Variants in DISC1 observed in about 807,000 individuals in gnomAD.
DISC1 encodes disrupted in schizophrenia 1 protein.
DISC1 carries 57 observed loss-of-function variants against 84.5 expected under a neutral mutation model. The observed-to-expected ratio is 0.67, with a 90% CI of 0.55 to 0.84. The LOEUF is 0.84. DISC1 is among the 40% of genes least tolerant of loss of function. The pLI, the probability that DISC1 is intolerant of heterozygous loss-of-function variation, is 0.00. For synonymous variants in DISC1, 411 were observed against 415.2 expected (o/e 0.99, Z 0.12); for missense variants, 1,000 against 1,057.8 (o/e 0.95, Z 0.76).
At chr1:231,652,593 C>T (rs889667341) in intron 1 of DISC1, among the ~76,000 whole-genome samples, 1 of 152,114 alleles carries the variant, frequency 6.6e-6, no homozygotes, top group African/African-American at 2.4e-5. Context: ...ATGAAATGAT[C>T]ACTGAAGTCA....
At chr1:231,996,706 A>G (rs891842160) in intron 10 of DISC1, among the ~76,000 whole-genome samples, 1 of 152,122 alleles carries the variant, frequency 6.6e-6, no homozygotes, top group African/African-American at 2.4e-5. Flanking sequence ...AAACACTAAC[A>G]TGCCTGGGTC....
At chr1:231,831,615 G>A (rs1200712082) in intron 9 of DISC1, among the ~76,000 whole-genome samples, 2 of 152,200 alleles carry the variant, frequency 1.3e-5, no homozygotes, top group Non-Finnish European at 2.9e-5. Flanking sequence ...GGCCTTTGCA[G>A]TGAATGACTC....
intron 11 of DISC1, among the ~76,000 whole-genome samples, chr1:232,013,374 A>G (rs1046711099): frequency 3.9e-5 from 6 of 152,178 alleles, no homozygotes; most frequent in African/African-American, 9.7e-5. Flanking sequence ...GGAATTAGCA[A>G]TAAGACACAA....
intron 9 of DISC1, among the ~76,000 whole-genome samples, chr1:231,839,136 G>A (rs909388949): frequency 6.6e-6 from 1 of 152,182 alleles, no homozygotes; most frequent in Non-Finnish European, 1.5e-5. Flanking sequence ...GCTTGGGGAT[G>A]GAAGGGGCAG....
chr1:231,720,547 A>G (rs1393325174), intron 3 of DISC1, among the ~76,000 whole-genome samples: 2 of 152,006 alleles, frequency 1.3e-5, no homozygotes, highest in Admixed American at 6.6e-5. Context: ...ACTATGTTGC[A>G]CAGGCTGGTC....
chr1:231,891,285 C>A (rs900524601), intron 9 of DISC1, among the ~76,000 whole-genome samples: 4 of 152,168 alleles, frequency 2.6e-5, no homozygotes, highest in Admixed American at 2.0e-4. Context: ...GGGCCACATT[C>A]AAAGCCATCC....
At chr1:231,788,620 G>A (rs1484488946) in intron 6 of DISC1, among the ~76,000 whole-genome samples, 2 of 152,160 alleles carry the variant, frequency 1.3e-5, no homozygotes, top group Non-Finnish European at 2.9e-5. Context: ...CCCATGAAAG[G>A]AAACCCTCTA....
chr1:232,001,107 G>A (rs1482317828), intron 10 of DISC1, among the ~76,000 whole-genome samples: 1 of 137,396 alleles, frequency 7.3e-6, no homozygotes, highest in African/African-American at 2.8e-5. Flanking sequence ...TTGAGATAGA[G>A]TCTCACTCTC....
intron 3 of DISC1, among the ~76,000 whole-genome samples, chr1:231,748,248 T>C (rs983135829): frequency 6.6e-6 from 1 of 152,330 alleles, no homozygotes; most frequent in Middle Eastern, 3.4e-3. Context: ...ATCTAATTGC[T>C]CTGGATAGGA....
chr1:231,899,761 G>A (rs977946914), intron 9 of DISC1, among the ~76,000 whole-genome samples: 1 of 152,148 alleles, frequency 6.6e-6, no homozygotes. Flanking sequence ...CGAGTCTGTC[G>A]TGTAATCCAG....
chr1:231,887,553 C>T (rs768087885), intron 9 of DISC1, among the ~76,000 whole-genome samples: 16 of 152,210 alleles, frequency 1.1e-4, no homozygotes, highest in Non-Finnish European at 1.3e-4. Context: ...TAATCCCTAT[C>T]CCCACACTTT....
rs536777911 is a variant in DISC1, at chr1:231,723,346, G to T, written c.1117+21322G>T. The T allele has an allele frequency of 7.0e-5, 69 of 985,802 alleles. No homozygotes were observed. In the South Asian group the frequency reaches 2.0e-3, roughly 28 times the overall value. 61.1% of individuals were successfully genotyped at this position (985,802 alleles called of 1,614,324 possible). A position where few individuals can be genotyped will look rare whatever the true frequency, so the allele number is the denominator to read the frequency against. ...CAGAACATCTGGGCAGGAAGCTCCTGCAGGAAGACCTGTAAACTCAGGTCT... is the reference window on the plus strand; with the variant it reads ...CAGAACATCTGGGCAGGAAGCTCCTTCAGGAAGACCTGTAAACTCAGGTCT... On this transcript the variant is annotated intron_variant, in intron 3 of 12. Transcript: ENST00000439617.
At chr1:231,886,096 C>T (rs1164981086) in intron 9 of DISC1, among the ~76,000 whole-genome samples, 1 of 152,086 alleles carries the variant, frequency 6.6e-6, no homozygotes, top group Non-Finnish European at 1.5e-5. Flanking sequence ...TTCTAATGAA[C>T]CCCCTCCCAC....
intron 2 of DISC1, among the ~76,000 whole-genome samples, chr1:231,699,655 T>C (rs1002390909): frequency 3.3e-5 from 5 of 152,194 alleles, no homozygotes; most frequent in African/African-American, 1.2e-4. Flanking sequence ...CATAGCCTCT[T>C]ACCTGGCCTC....
rs1230361593 is a variant in DISC1, at chr1:231,886,770, T to TCTTC, written c.1981+68256_1981+68257insCCTT. 1.2e-3 allele frequency among the ~76,000 whole-genome samples: 46 copies of TCTTC among 38,284 alleles called. 1 individual carries two copies. Among genetic ancestry groups the TCTTC allele is most frequent in the South Asian group, 3.7e-3 (4 of 1,084 alleles). 25.1% of individuals were successfully genotyped at this position (38,284 alleles called of 152,430 possible). On this transcript the variant is annotated intron_variant, in intron 9 of 12. Transcript: ENST00000439617. ...TTCTTCCTTTCTTCCTTCCTTCCTTTCTTTCTTTCTTTCTTTCTTTCTTTC... is the reference window on the plus strand; with the variant it reads ...TTCTTCCTTTCTTCCTTCCTTCCTTTCTTCCTTTCTTTCTTTCTTTCTTTCTTTC...
chr1:231,985,329 C>G (rs930517608), intron 10 of DISC1, among the ~76,000 whole-genome samples: 2 of 128,988 alleles, frequency 1.6e-5, no homozygotes, highest in African/African-American at 6.9e-5. Context: ...TCCATCCCCC[C>G]ACCCACCAAA....
chr1:231,942,507 A>G (rs551426320), intron 9 of DISC1, among the ~76,000 whole-genome samples: 2 of 152,150 alleles, frequency 1.3e-5, no homozygotes, highest in African/African-American at 4.8e-5. Flanking sequence ...TCTACTAAAA[A>G]TACAAAAATT....
At chr1:232,015,761 C>T (rs1465031682) in intron 11 of DISC1, among the ~76,000 whole-genome samples, 5 of 152,216 alleles carry the variant, frequency 3.3e-5, no homozygotes, top group Non-Finnish European at 7.3e-5. Context: ...AGACTTACTG[C>T]ACTGCCTTTT....
chr1:231,818,098 A>G (rs540529334), intron 8 of DISC1, among the ~76,000 whole-genome samples: 8 of 152,328 alleles, frequency 5.3e-5, no homozygotes, highest in African/African-American at 1.9e-4. Flanking sequence ...AACTCCTAAA[A>G]TGGACATAAC....
Sources: allele counts gnomAD v4.1 joint callset (sites outside exome capture counted in the v4.1 genomes callset), GRCh38; gene constraint gnomAD v4.1.1; transcripts MANE v1.5; gene names NCBI Gene and HGNC (gene_info 2026-07-23, HGNC 2026-07-21).